NALF1: variants seen among roughly 807,000 people sequenced by gnomAD.
The protein encoded by NALF1 is family with sequence similarity 155 member A.
NALF1 carries 3 observed loss-of-function variants against 48.4 expected under a neutral mutation model. The observed-to-expected ratio is 0.06, with a 90% confidence interval of 0.03 to 0.16. The LOEUF (loss-of-function observed/expected upper bound fraction) is 0.16. Ranked by LOEUF, NALF1 falls within the 10% of genes least tolerant of loss-of-function variation. The pLI is 1.00. For missense variants in NALF1, 526 were observed against 571.5 expected (o/e 0.92, Z 0.81); for synonymous variants, 262 against 245.7 (o/e 1.07, Z -0.62).
rs559920669 is a variant in NALF1 at position 107,793,845 on chromosome 13, G to GT, written c.915+71836dup. Among the ~76,000 whole-genome samples the GT allele has an allele frequency of 3.9e-3, 573 of 145,338 alleles. 5 individuals are homozygous for GT. The highest frequency in any genetic ancestry group is 9.2e-3 in the African/African-American group (369 of 39,996). Reference sequence around the variant, plus strand: ...GTAAATTGACAATGAATCACTAAAAGTTTTTTTTTTTTATTTTAGTCTTTG... The same window carrying GT: ...GTAAATTGACAATGAATCACTAAAAGTTTTTTTTTTTTTATTTTAGTCTTTG... On this transcript the variant is annotated intron_variant, in intron 1 of 2. Coordinates refer to ENST00000375915, the MANE Select transcript of NALF1 (RefSeq NM_001080396.3).
intron 1 of NALF1, among the ~76,000 whole-genome samples, chr13:107,429,582 T>C (rs1884340655): frequency 6.6e-6 from 1 of 152,154 alleles, no homozygotes; most frequent in Non-Finnish European, 1.5e-5. Flanking sequence ...CTAACTAATA[T>C]TAAAGGAGAC....
At position 107,499,319 on chromosome 13, in the gene NALF1, G is replaced by A. The variant is rs554815945; in HGVS notation, c.916-288564C>T. On this transcript the variant is annotated intron_variant, in intron 1 of 2. Transcript: ENST00000375915. Reference sequence around the variant, plus strand: ...TATTAGAACTAAATCCCTGTCTTCCGTTTAAAAGTTATATATACAATAAAG... The same window carrying A: ...TATTAGAACTAAATCCCTGTCTTCCATTTAAAAGTTATATATACAATAAAG... 7.2e-5 allele frequency among the ~76,000 whole-genome samples: 11 copies of A among 152,052 alleles called. No individual in the cohort carries two copies. The East Asian group carries it at 7.7e-4, about 11-fold the overall frequency.
At chr13:107,688,017 A>C (rs1881478004) in intron 1 of NALF1, among the ~76,000 whole-genome samples, 1 of 152,224 alleles carries the variant, frequency 6.6e-6, no homozygotes, top group Admixed American at 6.5e-5. Flanking sequence ...TTTTAAAAAT[A>C]AAGTACAACA....
chr13:107,434,877 T>C (rs16970104), intron 1 of NALF1, among the ~76,000 whole-genome samples: 2,035 of 152,272 alleles, frequency 0.013, 90 homozygotes, highest in Admixed American at 0.079. Flanking sequence ...AATCTTCACA[T>C]GAGAGTGGGA....
At chr13:107,254,116 A>G (rs1487816925) in intron 1 of NALF1, among the ~76,000 whole-genome samples, 4 of 151,092 alleles carry the variant, frequency 2.6e-5, no homozygotes, top group Admixed American at 1.3e-4. Flanking sequence ...AAATGAGTTA[A>G]CAATCATTGC....
At chr13:107,837,126 T>A (rs1308075233) in intron 1 of NALF1, among the ~76,000 whole-genome samples, 2 of 152,184 alleles carry the variant, frequency 1.3e-5, no homozygotes, top group East Asian at 3.8e-4. Flanking sequence ...ACCGGTTACA[T>A]GCAACAAAAT....
intron 1 of NALF1, among the ~76,000 whole-genome samples, chr13:107,725,686 C>CAAAAA (rs1262849129): frequency 4.7e-4 from 45 of 95,856 alleles, no homozygotes; most frequent in African/African-American, 6.1e-4. Flanking sequence ...CTCTGTCTCT[C>CAAAAA]AAAAAAAAAA....
chr13:107,240,527 A>C (rs1880445357), intron 1 of NALF1, among the ~76,000 whole-genome samples: 1 of 152,192 alleles, frequency 6.6e-6, no homozygotes, highest in Non-Finnish European at 1.5e-5. Flanking sequence ...ATCTATTATC[A>C]TTTGTATAAT....
At chr13:107,319,637 C>A (rs1282961786) in intron 1 of NALF1, among the ~76,000 whole-genome samples, 1 of 152,058 alleles carries the variant, frequency 6.6e-6, no homozygotes, top group Admixed American at 6.6e-5. Context: ...ATGTGCATAA[C>A]AACTATATAA....
chr13:107,260,213 G>C (rs1229113207), intron 1 of NALF1, among the ~76,000 whole-genome samples: 1 of 152,202 alleles, frequency 6.6e-6, no homozygotes, highest in Non-Finnish European at 1.5e-5. Context: ...GGGATAATTA[G>C]TTAAGATACT....
At chr13:107,665,399 G>A (rs943956620) in intron 1 of NALF1, among the ~76,000 whole-genome samples, 3 of 152,054 alleles carry the variant, frequency 2.0e-5, no homozygotes, top group Non-Finnish European at 2.9e-5. Flanking sequence ...TTACTCTTAG[G>A]CAATAGTTTT....
chr13:107,695,714 T>C (rs920425562), intron 1 of NALF1, among the ~76,000 whole-genome samples: 2 of 152,214 alleles, frequency 1.3e-5, no homozygotes, highest in Non-Finnish European at 2.9e-5. Flanking sequence ...CACGTATCCT[T>C]GCTTATGATA....
intron 1 of NALF1, among the ~76,000 whole-genome samples, chr13:107,427,782 A>C (rs1196165006): frequency 6.6e-6 from 1 of 152,112 alleles, no homozygotes; most frequent in Non-Finnish European, 1.5e-5. Context: ...GCCTAACAAG[A>C]GTTGTTCATA....
intron 1 of NALF1, among the ~76,000 whole-genome samples, chr13:107,841,879 T>C (rs1475186862): frequency 6.6e-6 from 1 of 151,966 alleles, no homozygotes; most frequent in Non-Finnish European, 1.5e-5. Flanking sequence ...CTGAAAATCA[T>C]ACGGAGAAAT....
chr13:107,653,848 A>G (rs1182072876), intron 1 of NALF1, among the ~76,000 whole-genome samples: 2 of 152,136 alleles, frequency 1.3e-5, no homozygotes, highest in Non-Finnish European at 2.9e-5. Flanking sequence ...GTAAACTCCT[A>G]TCTAACAAAG....
intron 1 of NALF1, among the ~76,000 whole-genome samples, chr13:107,668,432 T>C (rs775381957): frequency 2.0e-5 from 3 of 151,958 alleles, no homozygotes; most frequent in Non-Finnish European, 2.9e-5. Context: ...GCCTCTTATC[T>C]TCCTATCCTG....
chr13:107,686,400 AT>A (rs1881434620), intron 1 of NALF1, among the ~76,000 whole-genome samples: 1 of 89,574 alleles, frequency 1.1e-5, no homozygotes, highest in Non-Finnish European at 2.4e-5. Context: ...TATTATTATT[AT>A]TGTTATTATT....
intron 1 of NALF1, among the ~76,000 whole-genome samples, chr13:107,478,248 A>T (rs1885203453): frequency 6.6e-6 from 1 of 152,160 alleles, no homozygotes; most frequent in Non-Finnish European, 1.5e-5. Context: ...TGCATTTTTG[A>T]TGTGAACAGA....
At chr13:107,585,305 G>A (rs1878423479) in intron 1 of NALF1, among the ~76,000 whole-genome samples, 1 of 151,406 alleles carries the variant, frequency 6.6e-6, no homozygotes, top group African/African-American at 2.4e-5. Context: ...ATCAAGGCTA[G>A]CATGGCAAAT....
Sources: allele counts gnomAD v4.1 joint callset (sites outside exome capture counted in the v4.1 genomes callset), GRCh38; gene constraint gnomAD v4.1.1; transcripts MANE v1.5; gene names NCBI Gene and HGNC (gene_info 2026-07-23, HGNC 2026-07-21).